Variants in KIF9 observed in about 807,000 individuals in gnomAD.
The protein encoded by KIF9 is kinesin family member 9, also known as kinesin-like protein KIF9.
In KIF9, 68 loss-of-function variants were observed where a neutral mutation model predicts 94.8. The ratio of observed to expected loss-of-function variants is 0.72; its 90% confidence interval spans 0.59 to 0.88. KIF9 has a LOEUF of 0.88. Among genes scored for constraint, KIF9 ranks in the 40% least tolerant of loss-of-function variants. The pLI, the probability that KIF9 is intolerant of heterozygous loss-of-function variation, is 0.00. For synonymous variants in KIF9, 343 were observed against 362.1 expected, an observed-to-expected ratio of 0.95 and a Z score of 0.60; for missense variants, 882 against 982.5, an observed-to-expected ratio of 0.90 and a Z score of 1.37.
rs1276075742 is a variant in KIF9, at chr3:47,267,252, G to A, written c.603C>T (p.Asn201=). The A allele has an allele frequency of 6.2e-7, 1 of 1,611,864 alleles. No individual in the cohort carries two copies. Among genetic ancestry groups the A allele is most frequent in the East Asian group, 2.2e-5 (1 of 44,878 alleles). ...TCATAGTGTGGGAGGCTATAATCCT[G>A]TTGGTCTCACCCTGAAGAGGAAGGG... ...AFSLLFEGET[N]RIIASHTMNK... Residue 201 remains asparagine (N), a synonymous_variant, in exon 6 of 21, where the codon AAC becomes AAT. Transcript: ENST00000684063.
At chr3:47,259,986 G>A (rs1424195285) in intron 9 of KIF9, among the ~76,000 whole-genome samples, 1 of 45,442 alleles carries the variant, frequency 2.2e-5, no homozygotes. Flanking sequence ...TAGTAAAAGA[G>A]GAAGGAATGC....
At chr3:47,264,203 G>A in intron 9 of KIF9, 83 bp downstream of exon 9, 1 of 1,059,602 alleles carries the variant, frequency 9.4e-7, no homozygotes, top group Non-Finnish European at 1.5e-6. Flanking sequence ...CACTGTGCCA[G>A]GGTAGCCAGC....
chr3:47,241,647 G>A (rs1196179624), intron 16 of KIF9, among the ~76,000 whole-genome samples: 8 of 143,274 alleles, frequency 5.6e-5, no homozygotes, highest in South Asian at 4.4e-4. Flanking sequence ...GTGTGTGTGT[G>A]TGTATATATA....
In KIF9 at chr3:47,236,518, C is replaced by G; in HGVS notation, c.2026G>C (p.Asp676His). The stretch of plus-strand genomic sequence containing the variant: ...ATCTCAGCCCTGAGGTCACGCAGGT[C>G]CTGGTACTCGCTGCGGTACTGCTTC... The part of the protein sequence containing the change: ...LKKQYRSEYQ[D>H]LRDLRAEIQY... The change falls in exon 18 of 21, where the codon GAC becomes CAC. Residue 676 changes from aspartate to histidine, a missense_variant. Coordinates refer to ENST00000684063, the MANE Select transcript of KIF9 (RefSeq NM_182902.4). The G allele has an allele frequency of 6.2e-7, 1 of 1,614,034 alleles. No individual in the cohort carries two copies. Among genetic ancestry groups the G allele is most frequent in the Non-Finnish European group, 8.5e-7 (1 of 1,180,006 alleles).
chr3:47,265,647 C>T lies in KIF9; in HGVS notation c.916+83G>A, dbSNP rs1284409329. On this transcript the variant is annotated intron_variant, in intron 8 of 20. Transcript: ENST00000684063. ...TGCCACCAGGAGGGAGCAATTCTATCATCACCAGTGGCAGATGTGCCAAAC... is the reference window on the plus strand; with the variant it reads ...TGCCACCAGGAGGGAGCAATTCTATTATCACCAGTGGCAGATGTGCCAAAC... 3 of 1,450,360 alleles carry T rather than the reference C, an allele frequency of 2.1e-6. No homozygotes were observed. The Admixed American group carries it at 5.4e-5, about 26-fold the overall frequency. The allele number at this position is 1,450,360 out of a possible 1,614,324, so 89.8% of individuals were successfully genotyped here.
In KIF9 at chr3:47,257,573, G is replaced by A. The variant is rs1445376841; in HGVS notation, c.982-13C>T. The A allele has an allele frequency of 6.2e-7, 1 of 1,611,514 alleles. No individual in the cohort carries two copies. Among genetic ancestry groups the A allele is most frequent in the Non-Finnish European group, 8.5e-7 (1 of 1,179,334 alleles). ...TCAGTGAAGATAGCTGCAAAACAGA[G>A]CAGGTAGACATTAGATGGCTCGCCA... On this transcript the variant is annotated splice_polypyrimidine_tract_variant and intron_variant, in intron 9 of 20. Transcript: ENST00000684063.
chr3:47,267,940 C>T lies in KIF9; in HGVS notation c.592-677G>A, dbSNP rs1319085563. On this transcript the variant is annotated intron_variant, in intron 5 of 20. Transcript: ENST00000684063. ...ATACTAGAGTGTGGTGGCACGATCT[C>T]GGCTCACTATAACCTCTGCCTCCCG... Among the ~76,000 whole-genome samples the T allele has an allele frequency of 4.1e-5, 6 of 147,780 alleles. No individual in the cohort carries two copies. In the East Asian group the frequency reaches 5.9e-4, roughly 15 times the overall value.
intron 3 of KIF9, 153 bp downstream of exon 3, chr3:47,275,172 A>G: frequency 1.6e-6 from 1 of 633,542 alleles, no homozygotes. Flanking sequence ...CACAATGTCA[A>G]CAAGCAAACA....
At position 47,275,495 on chromosome 3, in the gene KIF9, G is replaced by GA. The variant is rs561978165; in HGVS notation, c.94-6dup. ...TTTTAAGTGAATATCAATGCTCTAG[G>GA]AAAAAAGAGTGAGAAAGAAAAAAAT... On this transcript the variant is annotated splice_region_variant and splice_polypyrimidine_tract_variant and intron_variant, in intron 2 of 20. Transcript: ENST00000684063. 1.3e-6 allele frequency: 2 copies of GA among 1,589,436 alleles called. No homozygotes were observed. The highest frequency in any genetic ancestry group is 1.2e-5 in the South Asian group (1 of 86,468).
rs1253640258 is a variant in KIF9, at chr3:47,264,477, C to A, written c.917-127G>T. On this transcript the variant is annotated intron_variant, in intron 8 of 20. Coordinates refer to ENST00000684063, the MANE Select transcript of KIF9 (RefSeq NM_182902.4). ...TTTGAAACAGGGTCTCACTATGTCA[C>A]CCAGGCTGTAGTGCAGTGACACAAT... is the stretch of plus-strand genomic sequence containing the variant. 5 of 695,214 alleles carry A rather than the reference C, an allele frequency of 7.2e-6. No homozygotes were observed. The Admixed American group carries it at 1.0e-4, about 14-fold the overall frequency. The allele number at this position is 695,214 out of a possible 1,614,324, so 43.1% of individuals were successfully genotyped here. A position where few individuals can be genotyped will look rare whatever the true frequency, so the allele number is the denominator to read the frequency against.
intron 10 of KIF9, among the ~76,000 whole-genome samples, chr3:47,250,321 G>A (rs755645168): frequency 3.9e-5 from 6 of 152,064 alleles, no homozygotes; most frequent in South Asian, 2.1e-4. Flanking sequence ...AGCAGTTACC[G>A]TATTAAACAG....
chr3:47,228,742 G>A, intron 20 of KIF9, 40 bp from the exon 21 acceptor site: 1 of 1,553,426 alleles, frequency 6.4e-7, no homozygotes, highest in Non-Finnish European at 8.9e-7. Flanking sequence ...CTTATTAGGA[G>A]GGACAGACAT....
chr3:47,267,629 CAT>C (rs1294818749), intron 5 of KIF9, among the ~76,000 whole-genome samples: 8 of 152,162 alleles, frequency 5.3e-5, no homozygotes, highest in East Asian at 1.9e-4. Flanking sequence ...AATGCTGACA[CAT>C]AGTTTTTAAT....
chr3:47,247,380 T>A lies in KIF9; in HGVS notation c.1226A>T (p.Glu409Val). 1 of 1,611,420 alleles carries A rather than the reference T, an allele frequency of 6.2e-7. No individual in the cohort carries two copies. The highest frequency in any genetic ancestry group is 8.5e-7 in the Non-Finnish European group (1 of 1,177,652). Reference sequence around the variant, plus strand: ...CACAGAGGGGTTCCTTACGTCGATCTCGTCCAGTGTCCCCTCCAGGTACCT... The same window carrying A: ...CACAGAGGGGTTCCTTACGTCGATCACGTCCAGTGTCCCCTCCAGGTACCT... ...VRRYLEGTLD[E>V]IDIISLRQIK... Residue 409 changes from glutamate to valine, a missense_variant, in exon 12 of 21, where the codon GAG (glutamate) becomes GTG (valine). Physicochemically the swap from Glu to Val is moderately radical, Grantham distance 121. Coordinates refer to ENST00000684063, the MANE Select transcript of KIF9 (RefSeq NM_182902.4).
intron 8 of KIF9, among the ~76,000 whole-genome samples, chr3:47,264,902 C>A (rs1361200516): frequency 6.6e-6 from 1 of 152,210 alleles, no homozygotes; most frequent in African/African-American, 2.4e-5. Context: ...GGAAAGAGAC[C>A]AGAACCCTCT....
chr3:47,234,025 G>C (rs933230627), intron 20 of KIF9, among the ~76,000 whole-genome samples: 5 of 151,800 alleles, frequency 3.3e-5, no homozygotes, highest in African/African-American at 1.2e-4. Flanking sequence ...GGAGGTTGCA[G>C]TGAGGTGAGG....
chr3:47,255,800 C>A (rs2107329198), intron 10 of KIF9, among the ~76,000 whole-genome samples: 1 of 152,334 alleles, frequency 6.6e-6, no homozygotes, highest in East Asian at 1.9e-4. Context: ...CGGTCTCCCT[C>A]TGATGCCGAG....
intron 10 of KIF9, among the ~76,000 whole-genome samples, chr3:47,249,050 T>C (rs890031492): frequency 1.3e-5 from 2 of 151,950 alleles, no homozygotes; most frequent in Admixed American, 1.3e-4. Context: ...GGATGCTTTC[T>C]ATGCATGGTT....
At chr3:47,261,340 GTC>G (rs1700960106) in intron 9 of KIF9, among the ~76,000 whole-genome samples, 1 of 152,214 alleles carries the variant, frequency 6.6e-6, no homozygotes, top group Non-Finnish European at 1.5e-5. Flanking sequence ...TCGCAGCAGA[GTC>G]TCTCTGGAGG....
Sources: allele counts gnomAD v4.1 joint callset (sites outside exome capture counted in the v4.1 genomes callset), GRCh38; gene constraint gnomAD v4.1.1; transcripts MANE v1.5; gene names NCBI Gene and HGNC (gene_info 2026-07-23, HGNC 2026-07-21).